Variants in TRABD2B observed in about 807,000 individuals in gnomAD.
The protein encoded by TRABD2B is TraB domain containing 2B, also known as metalloprotease TIKI2.
TRABD2B carries 14 observed loss-of-function variants against 40.1 expected under a neutral mutation model. The observed-to-expected ratio is 0.35, with a 90% CI of 0.23 to 0.55. The LOEUF (loss-of-function observed/expected upper bound fraction) is 0.55. Among genes scored for constraint, TRABD2B ranks in the 20% least tolerant of loss-of-function variants. TRABD2B has a pLI of 0.90. For synonymous variants in TRABD2B, 263 were observed against 277.0 expected, an observed-to-expected ratio of 0.95 and a Z score of 0.50; for missense variants, 541 against 648.6, an observed-to-expected ratio of 0.83 and a Z score of 1.80.
intron 2 of TRABD2B, among the ~76,000 whole-genome samples, chr1:47,962,347 G>A (rs372621786): frequency 6.6e-6 from 1 of 152,068 alleles, no homozygotes; most frequent in Non-Finnish European, 1.5e-5. Flanking sequence ...ATGTACCCTA[G>A]AACTTAAAGT....
intron 2 of TRABD2B, among the ~76,000 whole-genome samples, chr1:47,821,957 C>A (rs149482491): frequency 1.3e-5 from 2 of 152,174 alleles, no homozygotes; most frequent in African/African-American, 4.8e-5. Context: ...AATGTAACTG[C>A]CTACCCCTGG....
chr1:47,794,095 T>C (rs1360631129), intron 4 of TRABD2B, among the ~76,000 whole-genome samples: 1 of 152,244 alleles, frequency 6.6e-6, no homozygotes, highest in Non-Finnish European at 1.5e-5. Flanking sequence ...CAAATAGTTA[T>C]TGCTATCACT....
chr1:47,977,360 C>T (rs1645771376), intron 2 of TRABD2B, among the ~76,000 whole-genome samples: 1 of 152,212 alleles, frequency 6.6e-6, no homozygotes, highest in African/African-American at 2.4e-5. Context: ...GTGTGAGCCA[C>T]TGCGCCCAGC....
At chr1:47,913,848 A>T (rs957114287) in intron 2 of TRABD2B, among the ~76,000 whole-genome samples, 1 of 152,034 alleles carries the variant, frequency 6.6e-6, no homozygotes, top group African/African-American at 2.4e-5. Flanking sequence ...ACACAGGAAA[A>T]CTCATTTCTT....
At chr1:47,870,304 T>A (rs7556536) in intron 2 of TRABD2B, among the ~76,000 whole-genome samples, 104,345 of 151,972 alleles carry the variant, frequency 0.69, 36,067 homozygotes, top group East Asian at 0.83. Flanking sequence ...TAAACAACAC[T>A]GTATGATGAT....
intron 6 of TRABD2B, among the ~76,000 whole-genome samples, chr1:47,774,554 G>A (rs567961338): frequency 6.6e-6 from 1 of 152,302 alleles, no homozygotes; most frequent in East Asian, 1.9e-4. Flanking sequence ...GAGGTGGGTG[G>A]TAGAGGTGGC....
chr1:47,794,715 T>C lies in TRABD2B; in HGVS notation c.859A>G (p.Thr287Ala), dbSNP rs1644722629. 1 of 1,535,604 alleles carries C rather than the reference T, an allele frequency of 6.5e-7. No homozygotes were observed. The highest frequency in any genetic ancestry group is 2.5e-5 in the East Asian group (1 of 40,814). Reference protein sequence around the residue: ...NTTLPPHEQVTAQEIDSYFRQ... With the variant: ...NTTLPPHEQVAAQEIDSYFRQ... ...AAGTAGCTGTCAATCTCCTGGGCCG[T>C]CACCTGCTCGTGTGGCGGGAGGGTG... The change falls in exon 4 of 7, where the codon ACG becomes GCG. Residue 287 changes from threonine to alanine, a missense_variant. By Grantham distance (58) the Thr-to-Ala change is moderately conservative. Coordinates refer to ENST00000606738, the MANE Select transcript of TRABD2B (RefSeq NM_001194986.2).
At chr1:47,829,571 G>A (rs1214482016) in intron 2 of TRABD2B, among the ~76,000 whole-genome samples, 1 of 152,022 alleles carries the variant, frequency 6.6e-6, no homozygotes, top group Non-Finnish European at 1.5e-5. Flanking sequence ...AGATCCCCAA[G>A]CCTACCTCCC....
intron 2 of TRABD2B, among the ~76,000 whole-genome samples, chr1:47,851,890 A>G (rs1458084176): frequency 6.6e-6 from 1 of 152,232 alleles, no homozygotes; most frequent in African/African-American, 2.4e-5. Context: ...AACTCAGCTA[A>G]TATGTGCCAG....
At chr1:47,951,949 A>G (rs1645350946) in intron 2 of TRABD2B, among the ~76,000 whole-genome samples, 2 of 152,246 alleles carry the variant, frequency 1.3e-5, no homozygotes, top group African/African-American at 4.8e-5. Context: ...TGAGGCATAA[A>G]GCAGTCAAAG....
intron 2 of TRABD2B, among the ~76,000 whole-genome samples, chr1:47,962,202 G>T (rs565592164): frequency 6.6e-6 from 1 of 151,642 alleles, no homozygotes; most frequent in East Asian, 2.0e-4. Flanking sequence ...ATCACACGCC[G>T]GGGCCTGTTG....
intron 2 of TRABD2B, among the ~76,000 whole-genome samples, chr1:47,905,702 C>T (rs1230021888): frequency 3.3e-5 from 5 of 152,212 alleles, no homozygotes; most frequent in Non-Finnish European, 7.3e-5. Flanking sequence ...CTCCTTCTCT[C>T]TCTCTCTCTT....
intron 2 of TRABD2B, among the ~76,000 whole-genome samples, chr1:47,880,469 C>G (rs935742669): frequency 7.2e-5 from 11 of 152,180 alleles, no homozygotes; most frequent in Non-Finnish European, 1.5e-4. Flanking sequence ...GTGAGACAAT[C>G]AGTTTTGTTT....
intron 2 of TRABD2B, among the ~76,000 whole-genome samples, chr1:47,947,614 G>A (rs537229476): frequency 3.9e-4 from 59 of 152,164 alleles, no homozygotes; most frequent in African/African-American, 7.5e-4. Context: ...GAGTTCGGGC[G>A]TCAATTGAGT....
intron 2 of TRABD2B, among the ~76,000 whole-genome samples, chr1:47,843,591 T>C (rs1645428876): frequency 6.6e-6 from 1 of 152,062 alleles, no homozygotes; most frequent in African/African-American, 2.4e-5. Context: ...ATTTGGGAGA[T>C]GACTTTTTAA....
chr1:47,924,215 T>C (rs1301439790), intron 2 of TRABD2B, among the ~76,000 whole-genome samples: 3 of 152,174 alleles, frequency 2.0e-5, no homozygotes, highest in African/African-American at 7.2e-5. Flanking sequence ...CAGTGAAATT[T>C]ACCGGCTCAA....
intron 2 of TRABD2B, among the ~76,000 whole-genome samples, chr1:47,866,976 T>C (rs1230039216): frequency 3.3e-5 from 5 of 152,088 alleles, no homozygotes; most frequent in Non-Finnish European, 7.4e-5. Context: ...GCCCCTTACC[T>C]GCTGGTAGGA....
intron 2 of TRABD2B, among the ~76,000 whole-genome samples, chr1:47,964,185 T>C (rs1167943869): frequency 6.6e-6 from 1 of 152,182 alleles, no homozygotes; most frequent in Non-Finnish European, 1.5e-5. Context: ...CGAGCCAATT[T>C]GGAAATTAAC....
At chr1:47,989,775 A>ACAC (rs1645974314) in intron 2 of TRABD2B, among the ~76,000 whole-genome samples, 3 of 121,936 alleles carry the variant, frequency 2.5e-5, no homozygotes, top group Non-Finnish European at 5.3e-5. Context: ...CACACACACA[A>ACAC]ACACACACAC....
Sources: allele counts gnomAD v4.1 joint callset (sites outside exome capture counted in the v4.1 genomes callset), GRCh38; gene constraint gnomAD v4.1.1; transcripts MANE v1.5; gene names NCBI Gene and HGNC (gene_info 2026-07-23, HGNC 2026-07-21).